The following CELF4 variants were observed in gnomAD, a reference collection of about 807,000 sequenced individuals.
The protein encoded by CELF4 is CUG-BP- and ETR-3-like factor 4.
In CELF4, 18 loss-of-function variants were observed where a neutral mutation model predicts 59.9. The ratio of observed to expected loss-of-function variants is 0.30; its 90% CI spans 0.21 to 0.45. The LOEUF (loss-of-function observed/expected upper bound fraction) is 0.45. Ranked by LOEUF, CELF4 falls within the 20% of genes least tolerant of loss-of-function variation. CELF4 has a pLI of 1.00. For missense variants in CELF4, 456 were observed against 689.0 expected, an observed-to-expected ratio of 0.66 and a Z score of 3.79; for synonymous variants, 261 against 267.1, an observed-to-expected ratio of 0.98 and a Z score of 0.22.
intron 1 of CELF4, among the ~76,000 whole-genome samples, chr18:37,495,121 C>T (rs562850592): frequency 2.0e-5 from 3 of 152,218 alleles, no homozygotes; most frequent in Non-Finnish European, 4.4e-5. Flanking sequence ...AGAAACTGAA[C>T]TATGTTCCTT....
chr18:37,530,118 G>A (rs544603742), intron 1 of CELF4, among the ~76,000 whole-genome samples: 23 of 152,220 alleles, frequency 1.5e-4, no homozygotes, highest in African/African-American at 4.6e-4. Context: ...ACTCTCTTCC[G>A]GCCACAGTCC....
At chr18:37,505,906 A>C (rs978754461) in intron 1 of CELF4, among the ~76,000 whole-genome samples, 23 of 152,148 alleles carry the variant, frequency 1.5e-4, no homozygotes, top group Admixed American at 2.0e-4. Flanking sequence ...TCCTCCCAGA[A>C]CCACACTGGA....
At chr18:37,370,794 T>C (rs1219889619) in intron 2 of CELF4, among the ~76,000 whole-genome samples, 8 of 152,204 alleles carry the variant, frequency 5.3e-5, no homozygotes, top group African/African-American at 1.9e-4. Flanking sequence ...GTGTCAATCA[T>C]GTAAAATCCT....
At chr18:37,450,546 A>C (rs2099760459) in intron 2 of CELF4, among the ~76,000 whole-genome samples, 1 of 151,764 alleles carries the variant, frequency 6.6e-6, no homozygotes, top group Non-Finnish European at 1.5e-5. Flanking sequence ...AGGCAGATAA[A>C]GTGCGCACAG....
At chr18:37,320,804 C>T (rs1471265523) in intron 3 of CELF4, among the ~76,000 whole-genome samples, 2 of 152,092 alleles carry the variant, frequency 1.3e-5, no homozygotes, top group Non-Finnish European at 1.5e-5. Context: ...GAAGAGGGCA[C>T]CTGGCAGGGG....
intron 2 of CELF4, among the ~76,000 whole-genome samples, chr18:37,346,208 A>G (rs978840884): frequency 2.0e-5 from 3 of 152,168 alleles, no homozygotes; most frequent in Admixed American, 2.0e-4. Flanking sequence ...GCCTGCCCCA[A>G]TGTCTAGTGC....
intron 3 of CELF4, among the ~76,000 whole-genome samples, chr18:37,319,679 T>C (rs1287004539): frequency 6.6e-6 from 1 of 152,228 alleles, no homozygotes; most frequent in East Asian, 1.9e-4. Flanking sequence ...AATTTGCAAG[T>C]AGCTTTCACC....
chr18:37,391,747 A>T (rs888627878), intron 2 of CELF4, among the ~76,000 whole-genome samples: 1 of 152,192 alleles, frequency 6.6e-6, no homozygotes, highest in African/African-American at 2.4e-5. Flanking sequence ...ATTGTCAGAG[A>T]GGATGCCACC....
intron 1 of CELF4, among the ~76,000 whole-genome samples, chr18:37,513,379 G>A (rs1037544537): frequency 2.0e-5 from 3 of 152,198 alleles, no homozygotes; most frequent in Admixed American, 1.3e-4. Context: ...TGAGCAAACT[G>A]AGAGTTGGAG....
intron 2 of CELF4, among the ~76,000 whole-genome samples, chr18:37,429,995 C>T (rs2099638303): frequency 6.6e-6 from 1 of 152,358 alleles, no homozygotes; most frequent in East Asian, 1.9e-4. Flanking sequence ...CAGCTAGTTC[C>T]TCCTACTGGC....
chr18:37,262,008 C>T (rs1037817760), intron 10 of CELF4, among the ~76,000 whole-genome samples: 1 of 152,176 alleles, frequency 6.6e-6, no homozygotes, highest in Non-Finnish European at 1.5e-5. Flanking sequence ...TTTGGCCAGG[C>T]TCCAGCCCAC....
At chr18:37,428,153 AG>A (rs1226304241) in intron 2 of CELF4, among the ~76,000 whole-genome samples, 14 of 152,252 alleles carry the variant, frequency 9.2e-5, no homozygotes, top group African/African-American at 3.1e-4. Context: ...ATAATGAATA[AG>A]GGTCCTGTAG....
intron 10 of CELF4, among the ~76,000 whole-genome samples, chr18:37,263,563 C>T (rs1414520510): frequency 6.6e-6 from 1 of 152,030 alleles, no homozygotes; most frequent in Non-Finnish European, 1.5e-5. Flanking sequence ...AAGCTGAGCT[C>T]TCTGTGGCAG....
At chr18:37,497,729 T>A (rs1251355433) in intron 1 of CELF4, among the ~76,000 whole-genome samples, 1 of 151,906 alleles carries the variant, frequency 6.6e-6, no homozygotes, top group Non-Finnish European at 1.5e-5. Context: ...GCAACCAACA[T>A]ACCTATCAAG....
chr18:37,541,306 G>A (rs915263269), intron 1 of CELF4, among the ~76,000 whole-genome samples: 2 of 151,796 alleles, frequency 1.3e-5, no homozygotes, highest in African/African-American at 2.4e-5. Context: ...CCCAGTAAAC[G>A]GCCCCACTCA....
At chr18:37,438,036 C>T (rs372180487) in intron 2 of CELF4, among the ~76,000 whole-genome samples, 66 of 152,146 alleles carry the variant, frequency 4.3e-4, no homozygotes, top group Non-Finnish European at 5.3e-4. Context: ...AGCAAGAAGG[C>T]GGCTGTCTGC....
chr18:37,303,128 T>G (rs1298348965), intron 3 of CELF4, among the ~76,000 whole-genome samples: 1 of 152,100 alleles, frequency 6.6e-6, no homozygotes, highest in Non-Finnish European at 1.5e-5. Context: ...TTCCTTTGGC[T>G]CATTTGAACC....
intron 10 of CELF4, among the ~76,000 whole-genome samples, chr18:37,264,049 A>G (rs1234150023): frequency 1.3e-5 from 2 of 151,958 alleles, no homozygotes; most frequent in Non-Finnish European, 2.9e-5. Flanking sequence ...CTTTTCCTCA[A>G]TGCACACAGC....
At chr18:37,281,873 G>A (rs1485832120) in intron 3 of CELF4, among the ~76,000 whole-genome samples, 1 of 152,184 alleles carries the variant, frequency 6.6e-6, no homozygotes, top group East Asian at 1.9e-4. Context: ...GACTCTGAGG[G>A]TGAAGGACAT....
Sources: gnomAD v4.1 joint callset for allele counts (sites outside exome capture counted in the v4.1 genomes callset) on GRCh38, gnomAD v4.1.1 for gene constraint, MANE v1.5 for transcripts, NCBI Gene and HGNC (gene_info 2026-07-23, HGNC 2026-07-21) for gene names.